The following COL19A1 variants were observed in gnomAD, a reference collection of about 807,000 sequenced individuals.
COL19A1 encodes the protein collagen type XIX alpha 1 chain, also known as collagen alpha-1(XIX) chain.
COL19A1 carries 159 observed loss-of-function variants against 190.2 expected under a neutral mutation model. The observed-to-expected ratio is 0.84, with a 90% CI of 0.73 to 0.95. COL19A1 has a LOEUF of 0.95. COL19A1 is among the 40% of genes least tolerant of loss of function. The pLI is 0.00. For synonymous variants in COL19A1, 509 were observed against 458.9 expected (o/e 1.11, Z -1.39); for missense variants, 1,418 against 1,431.9 (o/e 0.99, Z 0.16).
At chr6:69,935,820 C>T (rs1292851206) in intron 7 of COL19A1, among the ~76,000 whole-genome samples, 1 of 151,746 alleles carries the variant, frequency 6.6e-6, no homozygotes, top group Non-Finnish European at 1.5e-5. Flanking sequence ...CTGCACAGAT[C>T]ATCAAAATGA....
chr6:70,031,265 A>G (rs1402787731), intron 12 of COL19A1, among the ~76,000 whole-genome samples: 1 of 151,676 alleles, frequency 6.6e-6, no homozygotes. Context: ...CAAATTCATG[A>G]GGTACATGAG....
chr6:69,893,119 A>G (rs1341924339), intron 2 of COL19A1, among the ~76,000 whole-genome samples: 3 of 152,250 alleles, frequency 2.0e-5, no homozygotes, highest in Non-Finnish European at 4.4e-5. Flanking sequence ...TATTCCAACC[A>G]AAAGTCAAAT....
chr6:70,108,276 G>A (rs902180030), intron 16 of COL19A1, among the ~76,000 whole-genome samples: 2 of 152,088 alleles, frequency 1.3e-5, no homozygotes, highest in Non-Finnish European at 2.9e-5. Flanking sequence ...CTACAGGCAA[G>A]ACTTTTTATT....
At chr6:70,165,472 G>T (rs1324987307) in intron 36 of COL19A1, among the ~76,000 whole-genome samples, 1 of 152,146 alleles carries the variant, frequency 6.6e-6, no homozygotes, top group Admixed American at 6.5e-5. Flanking sequence ...ACACAACACA[G>T]GTTGTGATTT....
intron 4 of COL19A1, among the ~76,000 whole-genome samples, chr6:69,921,473 T>TATATTC (rs1157271425): frequency 0.027 from 590 of 21,654 alleles, 49 homozygotes; most frequent in African/African-American, 0.18. Context: ...TATATATTCA[T>TATATTC]ATATTCATAT....
At chr6:70,109,532 C>T (rs896314335) in intron 16 of COL19A1, among the ~76,000 whole-genome samples, 2 of 133,366 alleles carry the variant, frequency 1.5e-5, no homozygotes, top group East Asian at 2.3e-4. Context: ...GTTACATCTC[C>T]GTTTTGTAAG....
At chr6:69,889,349 T>C (rs1052104888) in intron 2 of COL19A1, among the ~76,000 whole-genome samples, 4 of 152,078 alleles carry the variant, frequency 2.6e-5, no homozygotes, top group East Asian at 1.9e-4. Context: ...ACAAGTGATA[T>C]GTTACAATTT....
intron 17 of COL19A1, 62 bp from the exon 18 acceptor site, chr6:70,130,120 A>G: frequency 4.5e-6 from 7 of 1,572,282 alleles, no homozygotes; most frequent in Non-Finnish European, 5.2e-6. Context: ...ACTGTTACAG[A>G]TTGAATGTGT....
At chr6:70,199,873 A>T (rs1767443373) in intron 49 of COL19A1, 137 bp downstream of exon 49, 1 of 788,498 alleles carries the variant, frequency 1.3e-6, no homozygotes, top group African/African-American at 1.8e-5. Context: ...TGCAATATAT[A>T]AAATGGTTTC....
intron 11 of COL19A1, among the ~76,000 whole-genome samples, chr6:69,972,330 C>T (rs116183546): frequency 0.023 from 3,486 of 152,216 alleles, 133 homozygotes; most frequent in African/African-American, 0.078. Flanking sequence ...AATATACTGG[C>T]ATGAGGATTT....
At chr6:70,146,946 T>C (rs1319161959) in intron 27 of COL19A1, 57 bp downstream of exon 27, 24 of 1,443,602 alleles carry the variant, frequency 1.7e-5, no homozygotes, top group African/African-American at 2.9e-5. Flanking sequence ...CAAAATCCAG[T>C]GTCAAATTTT....
At chr6:69,966,357 A>C (rs1052848495) in intron 11 of COL19A1, among the ~76,000 whole-genome samples, 2 of 152,224 alleles carry the variant, frequency 1.3e-5, no homozygotes, top group African/African-American at 4.8e-5. Context: ...AAAGAAAGAG[A>C]GATCAGATTG....
intron 4 of COL19A1, among the ~76,000 whole-genome samples, chr6:69,925,439 G>A (rs1003034986): frequency 9.9e-5 from 15 of 152,030 alleles, no homozygotes; most frequent in Admixed American, 1.3e-4. Context: ...TGTTCCATTG[G>A]TCTATATCTC....
At chr6:70,165,451 CCCTCCTGCAGACACAA>C in intron 36 of COL19A1, among the ~76,000 whole-genome samples, 1 of 152,260 alleles carries the variant, frequency 6.6e-6, no homozygotes, top group South Asian at 2.1e-4. Context: ...GATGAAGTTT[CCCTCCTGCAGACACAA>C]CACAGGTTGT....
intron 9 of COL19A1, among the ~76,000 whole-genome samples, chr6:69,950,937 G>T (rs1367329340): frequency 6.6e-6 from 1 of 151,666 alleles, no homozygotes; most frequent in Non-Finnish European, 1.5e-5. Flanking sequence ...TTTTTTCTAA[G>T]TAGGAATAAT....
intron 4 of COL19A1, among the ~76,000 whole-genome samples, chr6:69,916,251 C>G (rs1002463723): frequency 2.0e-4 from 31 of 152,214 alleles, no homozygotes; most frequent in African/African-American, 6.7e-4. Context: ...TTACACTCAT[C>G]TTTAAGGAAA....
chr6:69,921,511 T>TATGTATATTCATATATATTC (rs1771917473), intron 4 of COL19A1, among the ~76,000 whole-genome samples: 1 of 100,394 alleles, frequency 1.0e-5, no homozygotes, highest in Non-Finnish European at 2.1e-5. Context: ...TATATATTCA[T>TATGTATATTCATATATATTC]ATGTATATTC....
At chr6:69,980,929 A>G (rs1775998824) in intron 11 of COL19A1, among the ~76,000 whole-genome samples, 1 of 152,226 alleles carries the variant, frequency 6.6e-6, no homozygotes, top group Non-Finnish European at 1.5e-5. Context: ...TTAGAAAGCA[A>G]CTGGGTAATA....
At chr6:70,009,354 A>G (rs949823640) in intron 11 of COL19A1, among the ~76,000 whole-genome samples, 3 of 152,080 alleles carry the variant, frequency 2.0e-5, no homozygotes, top group African/African-American at 4.8e-5. Flanking sequence ...TTCCGTATAC[A>G]AGCAACAATC....
Sources: gnomAD v4.1 joint callset for allele counts (sites outside exome capture counted in the v4.1 genomes callset) on GRCh38, gnomAD v4.1.1 for gene constraint, MANE v1.5 for transcripts, NCBI Gene and HGNC (gene_info 2026-07-23, HGNC 2026-07-21) for gene names.